The following STT3B variants were observed in gnomAD, a reference collection of about 807,000 sequenced individuals.
The protein encoded by STT3B is dolichyl-diphosphooligosaccharide--protein glycosyltransferase subunit STT3B.
A neutral mutation model predicts 96.8 loss-of-function variants in STT3B; 29 were observed. That is an observed-to-expected ratio of 0.30 (90% CI 0.22 to 0.41). STT3B has a LOEUF of 0.41. STT3B is among the 10% of genes least tolerant of loss of function. The pLI is 1.00. For missense variants in STT3B, 640 were observed against 1,022.3 expected (o/e 0.63, Z 5.10); for synonymous variants, 367 against 360.0 (o/e 1.02, Z -0.22).
intron 1 of STT3B, among the ~76,000 whole-genome samples, chr3:31,536,942 T>G (rs1345691150): frequency 6.6e-6 from 1 of 152,252 alleles, no homozygotes; most frequent in African/African-American, 2.4e-5. Context: ...CCATATCCAT[T>G]ATCTTGTTCA....
In STT3B at chr3:31,600,368, T is replaced by G. The variant is rs1005572576; in HGVS notation, c.786T>G (p.Ala262=). 2 of 1,537,564 alleles carry G rather than the reference T, an allele frequency of 1.3e-6. No homozygotes were observed. The highest frequency in any genetic ancestry group is 1.4e-5 in the African/African-American group (1 of 73,572). Residue 262 remains alanine (A), a synonymous_variant, in exon 5 of 16, where the codon GCT becomes GCG. Coordinates refer to ENST00000295770, the MANE Select transcript of STT3B (RefSeq NM_178862.3). ...CACTTCTTTTCCTATAGGTCTCTGCTTGGGGTGGTTATGTATTTATCATCA... is the reference window on the plus strand; with the variant it reads ...CACTTCTTTTCCTATAGGTCTCTGCGTGGGGTGGTTATGTATTTATCATCA... ...CCLSYFYMVS[A]WGGYVFIINL...
At chr3:31,535,327 A>T (rs1482383027) in intron 1 of STT3B, among the ~76,000 whole-genome samples, 1 of 150,772 alleles carries the variant, frequency 6.6e-6, no homozygotes, top group Non-Finnish European at 1.5e-5. Flanking sequence ...TTTATTTTTT[A>T]TTTTTATTAT....
intron 1 of STT3B, among the ~76,000 whole-genome samples, chr3:31,561,889 C>G (rs1454112900): frequency 6.6e-6 from 1 of 151,992 alleles, no homozygotes; most frequent in East Asian, 1.9e-4. Flanking sequence ...ATATGATTTT[C>G]TTTTTTTCTG....
intron 5 of STT3B, among the ~76,000 whole-genome samples, chr3:31,607,314 C>A (rs574370342): frequency 2.6e-5 from 4 of 152,196 alleles, no homozygotes; most frequent in African/African-American, 7.2e-5. Context: ...GGTGCCAGGG[C>A]AGAATGTATG....
At chr3:31,546,104 A>T (rs1162048383) in intron 1 of STT3B, among the ~76,000 whole-genome samples, 1 of 152,094 alleles carries the variant, frequency 6.6e-6, no homozygotes, top group Non-Finnish European at 1.5e-5. Context: ...CTGTTTTCTG[A>T]TGCATATGTG....
chr3:31,536,634 A>G (rs950225876), intron 1 of STT3B, among the ~76,000 whole-genome samples: 2 of 152,210 alleles, frequency 1.3e-5, no homozygotes, highest in African/African-American at 4.8e-5. Context: ...TTATCTTACC[A>G]GTTGTCATAA....
intron 1 of STT3B, among the ~76,000 whole-genome samples, chr3:31,534,416 G>A (rs1194594502): frequency 6.6e-6 from 1 of 152,090 alleles, no homozygotes; most frequent in Non-Finnish European, 1.5e-5. Flanking sequence ...CCTGAGTTAG[G>A]ATTTTCCCCT....
At chr3:31,607,560 A>G (rs1338760533) in intron 5 of STT3B, among the ~76,000 whole-genome samples, 2 of 152,166 alleles carry the variant, frequency 1.3e-5, no homozygotes, top group Non-Finnish European at 2.9e-5. Context: ...CCTCAGCCAC[A>G]TGGAACTGTG....
In STT3B at chr3:31,600,456, A is replaced by C; in HGVS notation, c.874A>C (p.Ile292Leu). The change falls in exon 5 of 16, where the codon ATA (isoleucine) becomes CTA (leucine). Residue 292 changes from isoleucine (I) to leucine (L), a missense_variant. Transcript: ENST00000295770. ...GCAGAGATACAGCAAAAGAGTCTAC[A>C]TAGGTAAGTAATTTGATTTTTGACA... is the stretch of plus-strand genomic sequence containing the variant. ...LMQRYSKRVY[I>L]AYSTFYIVGL... The C allele has an allele frequency of 6.8e-7, 1 of 1,469,814 alleles. No individual in the cohort carries two copies. The highest frequency in any genetic ancestry group is 1.2e-5 in the South Asian group (1 of 83,494). 91.0% of individuals were successfully genotyped at this position (1,469,814 alleles called of 1,614,324 possible).
chr3:31,591,409 C>T (rs1360395125), intron 3 of STT3B, among the ~76,000 whole-genome samples: 2 of 152,062 alleles, frequency 1.3e-5, no homozygotes, highest in Non-Finnish European at 2.9e-5. Context: ...ACCATCTCTG[C>T]CTTTTTATTG....
At chr3:31,605,133 G>A (rs1351051188) in intron 5 of STT3B, among the ~76,000 whole-genome samples, 1 of 152,082 alleles carries the variant, frequency 6.6e-6, no homozygotes, top group Non-Finnish European at 1.5e-5. Flanking sequence ...AGTTCAAGAG[G>A]CTAAGAGAGG....
In STT3B at chr3:31,539,624, C is replaced by A. The variant is rs1211781114; in HGVS notation, c.314+6312C>A. On this transcript the variant is annotated intron_variant, in intron 1 of 15. Transcript: ENST00000295770. ...GTCTATCAGAATACCTCTTCACAAT[C>A]CGGGCTGTAGCTAACTAAGCTTACT... Among the ~76,000 whole-genome samples, 5 of 152,092 alleles carry A rather than the reference C, an allele frequency of 3.3e-5. No homozygotes were observed. In the East Asian group the frequency reaches 9.6e-4, roughly 29 times the overall value.
At chr3:31,570,147 A>G (rs894181740) in intron 1 of STT3B, among the ~76,000 whole-genome samples, 2 of 152,184 alleles carry the variant, frequency 1.3e-5, no homozygotes, top group African/African-American at 2.4e-5. Context: ...ATTGAAGACT[A>G]CCTTTGTACA....
intron 10 of STT3B, 28 bp from the exon 11 acceptor site, chr3:31,623,646 G>A: frequency 6.5e-7 from 1 of 1,548,270 alleles, no homozygotes; most frequent in Non-Finnish European, 8.8e-7. Flanking sequence ...TAATGAATTT[G>A]TCTAACCAAT....
intron 6 of STT3B, among the ~76,000 whole-genome samples, chr3:31,616,665 T>C (rs1303986480): frequency 6.6e-6 from 1 of 151,830 alleles, no homozygotes; most frequent in Non-Finnish European, 1.5e-5. Flanking sequence ...AATAGGCTTG[T>C]TATTCAAATG....
intron 3 of STT3B, among the ~76,000 whole-genome samples, chr3:31,586,760 G>GT (rs1484869889): frequency 6.6e-6 from 1 of 151,958 alleles, no homozygotes; most frequent in African/African-American, 2.4e-5. Flanking sequence ...ACCTTATGTT[G>GT]TTTTCATTAG....
intron 1 of STT3B, among the ~76,000 whole-genome samples, chr3:31,575,390 A>G (rs1698242311): frequency 1.3e-5 from 2 of 151,928 alleles, no homozygotes; most frequent in South Asian, 4.1e-4. Context: ...CTGTTTCTAC[A>G]GTATTAATTT....
chr3:31,594,642 A>G (rs775596816), intron 3 of STT3B, among the ~76,000 whole-genome samples: 1 of 151,920 alleles, frequency 6.6e-6, no homozygotes, highest in Non-Finnish European at 1.5e-5. Flanking sequence ...GTTGTCCAGG[A>G]TGGTCTCGAC....
intron 10 of STT3B, among the ~76,000 whole-genome samples, chr3:31,623,157 G>T (rs1040702181): frequency 6.7e-6 from 1 of 148,548 alleles, no homozygotes; most frequent in East Asian, 1.9e-4. Flanking sequence ...TCCCTTTTCT[G>T]TTGGGGAAGG....
Sources: allele counts gnomAD v4.1 joint callset (sites outside exome capture counted in the v4.1 genomes callset), GRCh38; gene constraint gnomAD v4.1.1; transcripts MANE v1.5; gene names NCBI Gene and HGNC (gene_info 2026-07-23, HGNC 2026-07-21).